Variants in CD300LG observed in about 807,000 individuals in gnomAD.
The protein encoded by CD300LG is CMRF35-like molecule 9.
In CD300LG, 29 loss-of-function variants were observed where a neutral mutation model predicts 31.5. The observed-to-expected ratio is 0.92, with a 90% CI of 0.68 to 1.25. The LOEUF (loss-of-function observed/expected upper bound fraction) is 1.25. Among genes scored for constraint, CD300LG ranks in the 50% most tolerant of loss-of-function variants. The pLI, the probability that CD300LG is intolerant of heterozygous loss-of-function variation, is 0.00. For synonymous variants in CD300LG, 175 were observed against 177.2 expected, an observed-to-expected ratio of 0.99 and a Z score of 0.10; for missense variants, 396 against 417.6, an observed-to-expected ratio of 0.95 and a Z score of 0.45.
intron 4 of CD300LG, among the ~76,000 whole-genome samples, chr17:43,854,301 C>A (rs892462577): frequency 6.6e-6 from 1 of 152,228 alleles, no homozygotes; most frequent in Non-Finnish European, 1.5e-5. Context: ...CCTGCCCCAG[C>A]CTCAGGGACG....
At chr17:43,847,406 G>C (rs958404210) in intron 1 of CD300LG, 147 bp downstream of exon 1, 35 of 721,236 alleles carry the variant, frequency 4.9e-5, no homozygotes, top group Non-Finnish European at 7.1e-5. Context: ...GGGGTGGGGG[G>C]AGGTGGGGGT....
chr17:43,861,595 G>C lies in CD300LG; in HGVS notation c.886-203G>C, dbSNP rs925842341. ...GGCCTTGAGGGCACCCCGGGGGAGG[G>C]ATGGATTGGGGTCATGAGAGGCCAT... On this transcript the variant is annotated intron_variant, in intron 6 of 6. Transcript: ENST00000317310. Among the ~76,000 whole-genome samples, 13 of 152,220 alleles carry C rather than the reference G, an allele frequency of 8.5e-5. No individual in the cohort carries two copies. In the East Asian group the frequency reaches 2.5e-3, roughly 29 times the overall value.
At chr17:43,854,461 T>TG (rs1333741893) in intron 4 of CD300LG, among the ~76,000 whole-genome samples, 5 of 152,206 alleles carry the variant, frequency 3.3e-5, no homozygotes, top group Non-Finnish European at 5.9e-5. Flanking sequence ...TAAATGCACT[T>TG]GGCTACCGAC....
chr17:43,857,440 C>A, intron 6 of CD300LG: 1 of 1,537,270 alleles, frequency 6.5e-7, no homozygotes, highest in Non-Finnish European at 8.7e-7. Flanking sequence ...TCTCCAGGCG[C>A]CTTCTTTCCA....
intron 6 of CD300LG, chr17:43,858,796 C>A: frequency 1.3e-6 from 1 of 797,916 alleles, no homozygotes; most frequent in Non-Finnish European, 1.5e-6. Flanking sequence ...ATTACTTATA[C>A]TTTGAGAGGC....
chr17:43,857,893 G>T, intron 6 of CD300LG: 1 of 1,536,806 alleles, frequency 6.5e-7, no homozygotes, highest in South Asian at 1.2e-5. Flanking sequence ...CCAGGGGCAA[G>T]AGAATAAGGG....
intron 1 of CD300LG, 141 bp downstream of exon 1, chr17:43,847,400 T>TGGGGGGGGGGGTGGGGGG: frequency 2.1e-5 from 7 of 325,842 alleles, no homozygotes; most frequent in East Asian, 2.0e-4. Flanking sequence ...GGGCTGGGGG[T>TGGGGGGGGGGGTGGGGGG]GGGGGGAGGT....
At chr17:43,860,568 C>G (rs903917044) in intron 6 of CD300LG, among the ~76,000 whole-genome samples, 1 of 152,224 alleles carries the variant, frequency 6.6e-6, no homozygotes, top group Admixed American at 6.5e-5. Flanking sequence ...ATGGGAGCAG[C>G]CAGGCCCGGG....
chr17:43,861,149 C>T lies in CD300LG; in HGVS notation c.886-649C>T, dbSNP rs985875803. ...TCTGTTACAGCCACTGGGGAATGGC[C>T]GGGACCCAGAGGACGCTGTGATCAA... On this transcript the variant is annotated intron_variant, in intron 6 of 6. Transcript: ENST00000317310. 105 of 985,378 alleles carry T rather than the reference C, an allele frequency of 1.1e-4. 1 individual carries two copies. In the African/African-American group the frequency reaches 1.3e-3, roughly 12 times the overall value. The allele number at this position is 985,378 out of a possible 1,614,324, so 61.0% of individuals were successfully genotyped here. A position where few individuals can be genotyped will look rare whatever the true frequency, so the allele number is the denominator to read the frequency against.
At chr17:43,847,300 C>A (rs576127192) in intron 1 of CD300LG, 41 bp downstream of exon 1, 2 of 1,608,944 alleles carry the variant, frequency 1.2e-6, no homozygotes, top group Non-Finnish European at 1.7e-6. Context: ...GTGGGGCTCA[C>A]CCTTGTGGTC....
At chr17:43,857,286 C>A in intron 6 of CD300LG, 130 bp downstream of exon 6, 1 of 1,434,748 alleles carries the variant, frequency 7.0e-7, no homozygotes, top group Non-Finnish European at 9.6e-7. Context: ...GCTTGCTCCC[C>A]ACCTTGGAGG....
intron 6 of CD300LG, chr17:43,858,675 T>C (rs2046591465): frequency 7.1e-6 from 7 of 985,436 alleles, no homozygotes; most frequent in Non-Finnish European, 8.4e-6. Flanking sequence ...TGCTTTTTCT[T>C]GATTATTTCC....
intron 5 of CD300LG, among the ~76,000 whole-genome samples, chr17:43,856,528 C>T (rs1390021584): frequency 1.3e-5 from 2 of 152,208 alleles, no homozygotes; most frequent in Non-Finnish European, 2.9e-5. Flanking sequence ...ATCACAATGT[C>T]ATACCCATGG....
rs946427095 is a variant in CD300LG, at chr17:43,859,331, T to C, written c.885+2175T>C. On this transcript the variant is annotated intron_variant, in intron 6 of 6. Transcript: ENST00000317310. ...TTCCCTCTTTCTTTATTAGGTTTAT[T>C]ACTAGTACCTAGAAGCAGAGCTCTG... Among the ~76,000 whole-genome samples, 6 of 152,206 alleles carry C rather than the reference T, an allele frequency of 3.9e-5. 1 individual carries two copies. The South Asian group carries it at 1.2e-3, about 32-fold the overall frequency.
chr17:43,852,293 C>T (rs2046382863), intron 2 of CD300LG, among the ~76,000 whole-genome samples: 1 of 151,932 alleles, frequency 6.6e-6, no homozygotes. Context: ...GCAATCACCG[C>T]AACCTCTCCC....
At chr17:43,855,560 A>G in intron 5 of CD300LG, 1 of 391,388 alleles carries the variant, frequency 2.6e-6, no homozygotes, top group Non-Finnish European at 4.6e-6. Context: ...CTGCCTGTCT[A>G]AACTGATCAA....
In CD300LG at chr17:43,857,417, C is replaced by G. The variant is rs1352054680; in HGVS notation, c.885+261C>G. On this transcript the variant is annotated intron_variant, in intron 6 of 6. Coordinates refer to ENST00000317310, the MANE Select transcript of CD300LG (RefSeq NM_145273.4). ...GCCAGGCAGGGTGGGCTCCAGGAGCCATGTGAGCATCTTCTCCAGGCGCCT... is the reference window on the plus strand; with the variant it reads ...GCCAGGCAGGGTGGGCTCCAGGAGCGATGTGAGCATCTTCTCCAGGCGCCT... 2.0e-6 allele frequency: 3 copies of G among 1,536,914 alleles called. No individual in the cohort carries two copies. In the African/African-American group the frequency reaches 4.1e-5, roughly 21 times the overall value.
At chr17:43,851,089 G>A (rs867868964) in intron 2 of CD300LG, among the ~76,000 whole-genome samples, 5 of 140,494 alleles carry the variant, frequency 3.6e-5, no homozygotes, top group African/African-American at 8.3e-5. Context: ...AGCCAAGATC[G>A]TGCCACTGCA....
chr17:43,855,052 C>T (rs1042969742), intron 4 of CD300LG, among the ~76,000 whole-genome samples, 155 bp from the exon 5 acceptor site: 16 of 130,382 alleles, frequency 1.2e-4, no homozygotes, highest in African/African-American at 4.5e-4. Flanking sequence ...CTAAATACCA[C>T]CCCCCCGCAC....
Sources: gnomAD v4.1 joint callset for allele counts (sites outside exome capture counted in the v4.1 genomes callset) on GRCh38, gnomAD v4.1.1 for gene constraint, MANE v1.5 for transcripts, NCBI Gene and HGNC (gene_info 2026-07-23, HGNC 2026-07-21) for gene names.